DHRSX: variants seen among roughly 807,000 people sequenced by gnomAD.
DHRSX encodes dehydrogenase/reductase X-linked, also known as polyprenol dehydrogenase.
DHRSX carries 31 observed loss-of-function variants against 34.0 expected under a neutral mutation model. That is an observed-to-expected ratio of 0.91 (90% CI 0.69 to 1.23). DHRSX has a LOEUF of 1.23. DHRSX is among the 50% of genes most tolerant of loss of function. DHRSX has a pLI of 0.00. For synonymous variants in DHRSX, 201 were observed against 183.8 expected (o/e 1.09, Z -0.76); for missense variants, 414 against 428.1 (o/e 0.97, Z 0.29).
At chrX:2,314,854 T>G (rs1451076126) in intron 3 of DHRSX, among the ~76,000 whole-genome samples, 1 of 151,954 alleles carries the variant, frequency 6.6e-6, no homozygotes, top group Non-Finnish European at 1.5e-5. Flanking sequence ...GGCTCGGAAG[T>G]CATTGAAAAG....
chrX:2,425,886 G>C (rs938069216), intron 1 of DHRSX, among the ~76,000 whole-genome samples: 1 of 152,120 alleles, frequency 6.6e-6, no homozygotes, highest in African/African-American at 2.4e-5. Flanking sequence ...GGTTTCCAAG[G>C]GAAGGAACAG....
At chrX:2,467,226 C>T (rs2044510492) in intron 1 of DHRSX, among the ~76,000 whole-genome samples, 1 of 152,082 alleles carries the variant, frequency 6.6e-6, no homozygotes, top group African/African-American at 2.4e-5. Flanking sequence ...GAGAAGGATT[C>T]CTTTCTACGT....
At chrX:2,482,898 C>T (rs1330170964) in intron 1 of DHRSX, among the ~76,000 whole-genome samples, 4 of 152,130 alleles carry the variant, frequency 2.6e-5, no homozygotes, top group African/African-American at 7.2e-5. Flanking sequence ...TCTGCACCCA[C>T]GGGTCCACCC....
intron 4 of DHRSX, among the ~76,000 whole-genome samples, chrX:2,271,258 T>G (rs1944495948): frequency 6.6e-6 from 1 of 152,150 alleles, no homozygotes; most frequent in Non-Finnish European, 1.5e-5. Flanking sequence ...CGCACCATCT[T>G]TAAAAGCCCT....
chrX:2,249,513 C>CT (rs753035485), intron 5 of DHRSX, among the ~76,000 whole-genome samples: 12,079 of 70,160 alleles, frequency 0.17, 4,455 homozygotes, highest in Non-Finnish European at 0.31. Flanking sequence ...CTTTTTGTGC[C>CT]TTTTTTTTTT....
chrX:2,403,186 T>G (rs2043509125), intron 3 of DHRSX, among the ~76,000 whole-genome samples: 1 of 152,144 alleles, frequency 6.6e-6, no homozygotes, highest in African/African-American at 2.4e-5. Context: ...CCAGCAACTT[T>G]TAGTTATTTT....
rs57748851 is a variant in DHRSX at position 2,459,550 on chromosome X, G to GTATATATATA, written c.110-34256_110-34247dup. Among the ~76,000 whole-genome samples, 631 of 137,722 alleles carry GTATATATATA rather than the reference G, an allele frequency of 4.6e-3. 3 individuals carry two copies. Among genetic ancestry groups the GTATATATATA allele is most frequent in the Admixed American group, 8.2e-3 (106 of 12,910 alleles). The allele number at this position is 137,722 out of a possible 152,430, so 90.4% of individuals were successfully genotyped here. On this transcript the variant is annotated intron_variant, in intron 1 of 6. Coordinates refer to ENST00000334651, the MANE Select transcript of DHRSX (RefSeq NM_145177.3). ...AGAGAGAGAGAATGTGTGTCTGTGT[G>GTATATATATA]TATATATATATATATATATATATAT... is the stretch of plus-strand genomic sequence containing the variant.
intron 3 of DHRSX, among the ~76,000 whole-genome samples, chrX:2,307,254 T>C (rs2042109614): frequency 6.6e-6 from 1 of 152,120 alleles, no homozygotes; most frequent in African/African-American, 2.4e-5. Context: ...ACATAGGAGC[T>C]AAACATTGAA....
chrX:2,267,530 C>T (rs1476435994), intron 4 of DHRSX, among the ~76,000 whole-genome samples: 46 of 138,024 alleles, frequency 3.3e-4, no homozygotes, highest in Non-Finnish European at 7.7e-5. Flanking sequence ...GGTGACAGAG[C>T]GAGACTCCAT....
At chrX:2,442,080 A>C (rs2044069517) in intron 1 of DHRSX, among the ~76,000 whole-genome samples, 1 of 152,194 alleles carries the variant, frequency 6.6e-6, no homozygotes, top group Non-Finnish European at 1.5e-5. Flanking sequence ...TATATACTAC[A>C]TTCTCAACAC....
At chrX:2,240,091 G>T in intron 6 of DHRSX, among the ~76,000 whole-genome samples, 1 of 151,534 alleles carries the variant, frequency 6.6e-6, no homozygotes, top group African/African-American at 2.4e-5. Flanking sequence ...TCAGGAGTTC[G>T]AGACCAGCCT....
At chrX:2,423,165 C>T (rs1009131737) in intron 2 of DHRSX, among the ~76,000 whole-genome samples, 40 of 151,506 alleles carry the variant, frequency 2.6e-4, no homozygotes, top group African/African-American at 8.0e-4. Context: ...GTAATCCCAG[C>T]GCTTTGGGAG....
chrX:2,331,823 C>A (rs1457831183), intron 3 of DHRSX, among the ~76,000 whole-genome samples: 1 of 152,086 alleles, frequency 6.6e-6, no homozygotes, highest in Non-Finnish European at 1.5e-5. Flanking sequence ...ACAGAAAAAT[C>A]TTTCATGACA....
chrX:2,379,985 T>C (rs1173610418), intron 3 of DHRSX, among the ~76,000 whole-genome samples: 1 of 152,098 alleles, frequency 6.6e-6, no homozygotes, highest in Non-Finnish European at 1.5e-5. Context: ...TCCAAAATCC[T>C]GGATGGATTT....
chrX:2,231,799 A>C (rs1280112792), intron 6 of DHRSX, among the ~76,000 whole-genome samples: 110 of 103,264 alleles, frequency 1.1e-3, no homozygotes, highest in Middle Eastern at 8.1e-3. Context: ...TTTTCTCTCT[A>C]TCCCTCTCTC....
chrX:2,312,128 T>G (rs62593067), intron 3 of DHRSX, among the ~76,000 whole-genome samples: 109,543 of 151,816 alleles, frequency 0.72, 40,580 homozygotes, highest in African/African-American at 0.81. Context: ...AACTGAGACC[T>G]GGCAGGGACC....
At chrX:2,497,458 G>A (rs2045312897) in intron 1 of DHRSX, among the ~76,000 whole-genome samples, 1 of 152,064 alleles carries the variant, frequency 6.6e-6, no homozygotes, top group South Asian at 2.1e-4. Context: ...AATAGCCACT[G>A]TTCACTACTC....
intron 4 of DHRSX, among the ~76,000 whole-genome samples, chrX:2,290,436 T>C (rs958365195): frequency 2.6e-5 from 4 of 152,314 alleles, no homozygotes; most frequent in African/African-American, 9.6e-5. Context: ...AAATGGTACG[T>C]TAGGTAGCAC....
intron 6 of DHRSX, among the ~76,000 whole-genome samples, chrX:2,225,357 C>T (rs1169520810): frequency 6.6e-6 from 1 of 151,572 alleles, no homozygotes; most frequent in Non-Finnish European, 1.5e-5. Context: ...CGCACATACA[C>T]ATGCACACAT....
Sources: allele counts gnomAD v4.1 joint callset (sites outside exome capture counted in the v4.1 genomes callset), GRCh38; gene constraint gnomAD v4.1.1; transcripts MANE v1.5; gene names NCBI Gene and HGNC (gene_info 2026-07-23, HGNC 2026-07-21).